ANK2: variants seen among roughly 807,000 people sequenced by gnomAD.
ANK2 encodes the protein ankyrin 2.
ANK2 carries 83 observed loss-of-function variants against 360.5 expected under a neutral mutation model. The observed-to-expected ratio is 0.23, with a 90% CI of 0.19 to 0.28. The LOEUF (loss-of-function observed/expected upper bound fraction) is 0.28. Among genes scored for constraint, ANK2 ranks in the 10% least tolerant of loss-of-function variants. ANK2 has a pLI of 1.00. For missense variants in ANK2, 4,201 were observed against 4,795.7 expected, an observed-to-expected ratio of 0.88 and a Z score of 3.66; for synonymous variants, 1,740 against 1,759.5, an observed-to-expected ratio of 0.99 and a Z score of 0.28.
At chr4:112,920,786 C>T (rs977084044) in intron 2 of ANK2, among the ~76,000 whole-genome samples, 1 of 152,094 alleles carries the variant, frequency 6.6e-6, no homozygotes, top group Non-Finnish European at 1.5e-5. Flanking sequence ...CCCTCATATT[C>T]ACTATACCAT....
rs116553530 is a variant in ANK2, at chr4:113,201,653, A to G, written c.384+2544A>G. 1.3e-3 allele frequency among the ~76,000 whole-genome samples: 204 copies of G among 152,346 alleles called. 1 individual carries two copies. Among genetic ancestry groups the G allele is most frequent in the African/African-American group, 4.8e-3 (199 of 41,586 alleles). ...AAGACCATATTTTACTTTCCTCAAA[A>G]TGACAAACATAGTGTTGTTATAAAA... On this transcript the variant is annotated intron_variant, in intron 4 of 45. Transcript: ENST00000357077.
intron 13 of ANK2, among the ~76,000 whole-genome samples, chr4:113,260,149 A>G (rs989685738): frequency 6.6e-6 from 1 of 152,174 alleles, no homozygotes; most frequent in Admixed American, 6.5e-5. Flanking sequence ...AGAATAATCC[A>G]TATAAAATGG....
chr4:113,009,730 A>G (rs1415045572), intron 2 of ANK2, among the ~76,000 whole-genome samples: 2 of 152,134 alleles, frequency 1.3e-5, no homozygotes, highest in Non-Finnish European at 2.9e-5. Context: ...TCAACATTTG[A>G]CTGTATGTGT....
intron 39 of ANK2, 74 bp from the exon 40 acceptor site, chr4:113,363,263 CA>C: frequency 2.0e-6 from 3 of 1,497,426 alleles, no homozygotes; most frequent in Non-Finnish European, 2.8e-6. Context: ...ACATCATTTA[CA>C]AAATCACAAA....
At chr4:112,741,370 C>T in the ANK2 span, among the ~76,000 whole-genome samples, 1 of 152,146 alleles carries the variant, frequency 6.6e-6, no homozygotes, top group Admixed American at 6.6e-5. Context: ...CTTCAGTTGG[C>T]CCTCTTCAGA....
the ANK2 span, among the ~76,000 whole-genome samples, chr4:112,805,926 A>G: frequency 2.0e-5 from 3 of 152,146 alleles, no homozygotes; most frequent in Non-Finnish European, 1.5e-5. Flanking sequence ...TTTAATTATT[A>G]TGAGTACAAA....
intron 2 of ANK2, among the ~76,000 whole-genome samples, chr4:112,997,273 C>T (rs2048891863): frequency 6.6e-6 from 1 of 151,988 alleles, no homozygotes; most frequent in Non-Finnish European, 1.5e-5. Context: ...CACTTAAAAC[C>T]TATTCTCTTT....
At chr4:113,067,270 G>A (rs911386710) in intron 1 of ANK2, among the ~76,000 whole-genome samples, 1 of 152,108 alleles carries the variant, frequency 6.6e-6, no homozygotes, top group African/African-American at 2.4e-5. Context: ...AGGAAGAATA[G>A]GGAAATTAGT....
intron 2 of ANK2, among the ~76,000 whole-genome samples, chr4:113,000,320 C>T (rs1404047420): frequency 6.6e-6 from 1 of 152,174 alleles, no homozygotes; most frequent in African/African-American, 2.4e-5. Context: ...CCTTCATTCA[C>T]GAAGGGAAAT....
chr4:113,326,106 C>A (rs929731679), intron 26 of ANK2, among the ~76,000 whole-genome samples: 2 of 152,126 alleles, frequency 1.3e-5, no homozygotes, highest in Non-Finnish European at 2.9e-5. Flanking sequence ...TTTCTCATTT[C>A]CCTGTGGTAC....
chr4:112,923,541 A>AAAAG (rs544329603), intron 2 of ANK2, among the ~76,000 whole-genome samples: 1 of 152,136 alleles, frequency 6.6e-6, no homozygotes, highest in African/African-American at 2.4e-5. Flanking sequence ...GATATTTTTG[A>AAAAG]AAAGAAAGAA....
At chr4:112,749,066 A>AT in the ANK2 span, among the ~76,000 whole-genome samples, 790 of 151,658 alleles carry the variant, frequency 5.2e-3, 8 homozygotes, top group African/African-American at 0.018. Flanking sequence ...CGCCCATCTG[A>AT]TTTTTTTATT....
intron 1 of ANK2, among the ~76,000 whole-genome samples, chr4:112,841,834 AGTTCTCACAGAAAT>A (rs1024845050): frequency 6.6e-6 from 1 of 152,190 alleles, no homozygotes; most frequent in African/African-American, 2.4e-5. Context: ...AGATACATGA[AGTTCTCACAGAAAT>A]GACTGTTGAC....
the ANK2 span, among the ~76,000 whole-genome samples, chr4:112,717,790 A>AT: frequency 0.47 from 70,999 of 151,420 alleles, 17,022 homozygotes; most frequent in East Asian, 0.67. Flanking sequence ...TTAAAAAAAA[A>AT]ATATTTATAA....
intron 26 of ANK2, among the ~76,000 whole-genome samples, chr4:113,328,652 T>A (rs1457370725): frequency 6.6e-6 from 1 of 152,196 alleles, no homozygotes; most frequent in Non-Finnish European, 1.5e-5. Flanking sequence ...CTGAAAACTT[T>A]AAGCGGGCTA....
chr4:112,853,377 T>A (rs2065523644), intron 1 of ANK2, among the ~76,000 whole-genome samples: 1 of 152,114 alleles, frequency 6.6e-6, no homozygotes, highest in Non-Finnish European at 1.5e-5. Context: ...TTTTTTTTTT[T>A]AATTTGTAGA....
intron 9 of ANK2, among the ~76,000 whole-genome samples, chr4:113,246,877 G>A (rs2043167149): frequency 6.6e-6 from 1 of 152,080 alleles, no homozygotes; most frequent in Non-Finnish European, 1.5e-5. Flanking sequence ...ATATATGGAG[G>A]TCTTCATTTG....
At chr4:112,885,057 C>A (rs551855628) in intron 1 of ANK2, among the ~76,000 whole-genome samples, 1 of 152,260 alleles carries the variant, frequency 6.6e-6, no homozygotes, top group South Asian at 2.1e-4. Flanking sequence ...TATCAAAATA[C>A]AATATATATT....
chr4:112,734,501 GA>G, the ANK2 span, among the ~76,000 whole-genome samples: 2 of 152,220 alleles, frequency 1.3e-5, no homozygotes, highest in Non-Finnish European at 1.5e-5. Context: ...AGTATACTGT[GA>G]GGATCCCTGT....
Sources: gnomAD v4.1 joint callset for allele counts (sites outside exome capture counted in the v4.1 genomes callset) on GRCh38, gnomAD v4.1.1 for gene constraint, MANE v1.5 for transcripts, NCBI Gene and HGNC (gene_info 2026-07-23, HGNC 2026-07-21) for gene names.